Variants in ARFGEF2 observed in about 807,000 individuals in gnomAD.
ARFGEF2 encodes the protein brefeldin A-inhibited guanine nucleotide-exchange protein 2.
Under a neutral mutation model 219.9 loss-of-function variants are expected in ARFGEF2, and 74 were observed. That is an observed-to-expected ratio of 0.34 (90% CI 0.28 to 0.41). The LOEUF is 0.41. ARFGEF2 is among the 10% of genes least tolerant of loss of function. The pLI, the probability that ARFGEF2 is intolerant of heterozygous loss-of-function variation, is 1.00. For missense variants in ARFGEF2, 1,743 were observed against 2,218.3 expected (o/e 0.79, Z 4.30); for synonymous variants, 733 against 799.2 (o/e 0.92, Z 1.40).
Position 49,035,107 on chromosome 20 carries a change from T to C in ARFGEF2, c.*1908T>C, listed in dbSNP as rs1240713490. 1 of 152,204 alleles carries C rather than the reference T, an allele frequency of 6.6e-6. No individual in the cohort carries two copies. Among genetic ancestry groups the C allele is most frequent in the Non-Finnish European group, 1.5e-5 (1 of 68,038 alleles). 9.4% of individuals were successfully genotyped at this position (152,204 alleles called of 1,614,324 possible). A position where few individuals can be genotyped will look rare whatever the true frequency, so the allele number is the denominator to read the frequency against. The stretch of plus-strand genomic sequence containing the variant: ...CACCTCAACAAGTCAGTCGTCTCCA[T>C]TGATATTTGTACAAAAGGTATACAT... On this transcript the variant is annotated 3_prime_UTR_variant, in exon 39 of 39. Transcript: ENST00000371917.
At chr20:48,963,524 C>T (rs1386471116) in intron 6 of ARFGEF2, among the ~76,000 whole-genome samples, 3 of 152,082 alleles carry the variant, frequency 2.0e-5, no homozygotes, top group Admixed American at 6.6e-5. Context: ...CTCCTGCCTC[C>T]AAGTTGGGGG....
chr20:48,953,142 T>TTTTC lies in ARFGEF2; in HGVS notation c.603+278_603+281dup, dbSNP rs544917028. ...AATATGTTATCCTTTTGGCTGGAAT[T>TTTTC]TTTCTTTCTTTCTTTCTTTCTTTTT... is the stretch of plus-strand genomic sequence containing the variant. On this transcript the variant is annotated intron_variant, in intron 5 of 38. Coordinates refer to ENST00000371917, the MANE Select transcript of ARFGEF2 (RefSeq NM_006420.3). Among the ~76,000 whole-genome samples, 76 of 151,546 alleles carry TTTTC rather than the reference T, an allele frequency of 5.0e-4. 1 individual carries two copies. The highest frequency in any genetic ancestry group is 2.3e-3 in the South Asian group (11 of 4,814).
At position 48,974,924 on chromosome 20, in the gene ARFGEF2, C is replaced by T. The variant is rs775514792; in HGVS notation, c.1774+50C>T. On this transcript the variant is annotated intron_variant, in intron 13 of 38. Coordinates refer to ENST00000371917, the MANE Select transcript of ARFGEF2 (RefSeq NM_006420.3). ...CACCTCCATTCATAATAGGCTCCTA[C>T]GACTGCTAGGAACAGTTGTCTTAGT... 54 of 1,444,658 alleles carry T rather than the reference C, an allele frequency of 3.7e-5. 1 individual carries two copies. The South Asian group carries it at 5.1e-4, about 14-fold the overall frequency. The allele number at this position is 1,444,658 out of a possible 1,614,324, so 89.5% of individuals were successfully genotyped here. A position where few individuals can be genotyped will look rare whatever the true frequency, so the allele number is the denominator to read the frequency against.
chr20:49,030,565 T>C (rs1478448785), intron 37 of ARFGEF2, among the ~76,000 whole-genome samples: 2 of 152,150 alleles, frequency 1.3e-5, no homozygotes, highest in Non-Finnish European at 2.9e-5. Context: ...CATAATTTTT[T>C]ACATATATCA....
chr20:49,005,142 C>T lies in ARFGEF2; in HGVS notation c.3505C>T (p.Leu1169Phe). 1 of 1,614,180 alleles carries T rather than the reference C, an allele frequency of 6.2e-7. No homozygotes were observed. Among genetic ancestry groups the T allele is most frequent in the Non-Finnish European group, 8.5e-7 (1 of 1,180,030 alleles). Residue 1169 changes from leucine to phenylalanine, a missense_variant, in exon 26 of 39, where the codon CTT becomes TTT. This residue lies in a region of ARFGEF2 where 102 missense variants were observed against 146.8 expected (regional missense o/e 0.69). Coordinates refer to ENST00000371917, the MANE Select transcript of ARFGEF2 (RefSeq NM_006420.3). ...ATTAAGGCAACTCTCCATGAAGTTTCTTGAGAAGGGTGAATTAGCCAACTT... is the reference window on the plus strand; with the variant it reads ...ATTAAGGCAACTCTCCATGAAGTTTTTTGAGAAGGGTGAATTAGCCAACTT... ...DSLRQLSMKFLEKGELANFRF... is the reference protein window; with the variant it reads ...DSLRQLSMKFFEKGELANFRF...
intron 1 of ARFGEF2, among the ~76,000 whole-genome samples, chr20:48,939,098 C>G (rs1346312161): frequency 1.3e-5 from 2 of 151,848 alleles, no homozygotes; most frequent in Non-Finnish European, 2.9e-5. Flanking sequence ...CCTCAGCCTC[C>G]TGAGTAGCTG....
At chr20:48,963,543 A>T (rs1402657181) in intron 6 of ARFGEF2, among the ~76,000 whole-genome samples, 1 of 152,116 alleles carries the variant, frequency 6.6e-6, no homozygotes, top group Non-Finnish European at 1.5e-5. Context: ...GGTGGTGGGG[A>T]GGGCCCTGGG....
chr20:48,938,347 C>A (rs1015960638), intron 1 of ARFGEF2, among the ~76,000 whole-genome samples: 4 of 152,198 alleles, frequency 2.6e-5, no homozygotes, highest in African/African-American at 9.7e-5. Flanking sequence ...CTCGGCTCTT[C>A]TCCATCCCTT....
chr20:49,014,922 CA>C (rs1333145997), intron 30 of ARFGEF2, among the ~76,000 whole-genome samples: 1 of 152,312 alleles, frequency 6.6e-6, no homozygotes. Context: ...TTTTCATAGG[CA>C]GCCACCGTTA....
intron 35 of ARFGEF2, among the ~76,000 whole-genome samples, chr20:49,024,551 A>G (rs1420430871): frequency 6.6e-6 from 1 of 152,154 alleles, no homozygotes; most frequent in Admixed American, 6.5e-5. Context: ...ATTTTTTTTC[A>G]TAGAGGAAGT....
chr20:49,010,254 G>A lies in ARFGEF2; in HGVS notation c.3607G>A (p.Ala1203Thr). 6.2e-7 allele frequency: 1 copy of A among 1,614,130 alleles called. No homozygotes were observed. The highest frequency in any genetic ancestry group is 1.1e-5 in the South Asian group (1 of 91,082). The part of the protein sequence containing the change: ...KNRSPTIRDM[A>T]IRCIAQMVNS... ...CAGGTCTCCCACCATCCGGGACATG[G>A]CGATCCGCTGCATTGCCCAGATGGT... Residue 1203 changes from alanine (A) to threonine (T), a missense_variant, in exon 27 of 39, where the codon GCG (alanine) becomes ACG (threonine). Coordinates refer to ENST00000371917, the MANE Select transcript of ARFGEF2 (RefSeq NM_006420.3).
At chr20:48,985,147 C>T (rs1167876244) in intron 15 of ARFGEF2, among the ~76,000 whole-genome samples, 1 of 151,206 alleles carries the variant, frequency 6.6e-6, no homozygotes, top group Non-Finnish European at 1.5e-5. Context: ...CTGTCTGCAA[C>T]TAACCTCCTT....
intron 1 of ARFGEF2, 53 bp from the exon 2 acceptor site, chr20:48,941,146 C>A (rs1378970605): frequency 6.5e-7 from 1 of 1,547,216 alleles, no homozygotes; most frequent in Non-Finnish European, 8.9e-7. Flanking sequence ...TAAAGTTTTC[C>A]TTTACATAAA....
intron 12 of ARFGEF2, among the ~76,000 whole-genome samples, chr20:48,974,189 G>A (rs949871021): frequency 2.9e-5 from 4 of 137,608 alleles, no homozygotes; most frequent in Admixed American, 7.8e-5. Flanking sequence ...GCAGTGGCGC[G>A]ATCTCAGCTC....
At chr20:48,952,644 A>AT in intron 4 of ARFGEF2, 61 bp from the exon 5 acceptor site, 1 of 1,544,224 alleles carries the variant, frequency 6.5e-7, no homozygotes, top group East Asian at 2.2e-5. Context: ...AAGTGTGGCC[A>AT]TAGGAGGGCA....
chr20:49,030,765 G>A (rs1256093856), intron 37 of ARFGEF2, among the ~76,000 whole-genome samples: 1 of 152,082 alleles, frequency 6.6e-6, no homozygotes, highest in East Asian at 1.9e-4. Context: ...TTGGGAGGCC[G>A]AGCCAGGTGG....
At chr20:48,951,174 TCA>T in intron 3 of ARFGEF2, 147 bp from the exon 4 acceptor site, 3 of 904,870 alleles carry the variant, frequency 3.3e-6, no homozygotes, top group Middle Eastern at 3.2e-4. Flanking sequence ...AAGGTTGCAG[TCA>T]CAGAGTGGTT....
At chr20:48,999,187 G>A (rs1183680407) in intron 25 of ARFGEF2, 11 of 419,990 alleles carry the variant, frequency 2.6e-5, no homozygotes, top group South Asian at 5.2e-5. Flanking sequence ...GCAGTGAGTC[G>A]AGATCGCACC....
intron 3 of ARFGEF2, among the ~76,000 whole-genome samples, chr20:48,946,600 C>T (rs1280165270): frequency 4.0e-5 from 6 of 151,446 alleles, no homozygotes; most frequent in Non-Finnish European, 7.4e-5. Context: ...ATCAGGCTTC[C>T]GAAAACCCCG....
Sources: gnomAD v4.1 joint callset for allele counts (sites outside exome capture counted in the v4.1 genomes callset) on GRCh38, gnomAD v4.1.1 for gene constraint, gnomAD v4.1.1 regional missense constraint, MANE v1.5 for transcripts, NCBI Gene and HGNC (gene_info 2026-07-23, HGNC 2026-07-21) for gene names.